MON1B: variants seen among roughly 807,000 people sequenced by gnomAD.
MON1B encodes the protein MON1 vesicular trafficking associated B, also known as vacuolar fusion protein MON1 homolog B.
Under a neutral mutation model 45.1 loss-of-function variants are expected in MON1B, and 26 were observed. The ratio of observed to expected loss-of-function variants is 0.58; its 90% CI spans 0.42 to 0.80. The LOEUF (loss-of-function observed/expected upper bound fraction) is 0.80. Ranked by LOEUF, MON1B falls within the 30% of genes least tolerant of loss-of-function variation. The probability of loss-of-function intolerance (pLI) is 0.00; values close to 1 mark genes in which losing one functional copy is unlikely to be tolerated. For synonymous variants in MON1B, 395 were observed against 320.2 expected (o/e 1.23, Z -2.49); for missense variants, 737 against 754.5 (o/e 0.98, Z 0.27).
In MON1B at chr16:77,201,221, A is replaced by G. The variant is rs1366490170; in HGVS notation, c.*2913A>G. On this transcript the variant is annotated 3_prime_UTR_variant, in exon 6 of 6. Transcript: ENST00000248248. ...GAGAGCTCTTTTAGATTAGAGGCAC[A>G]TACTAAGTGCCAGCATTCAACAAAA... The G allele has an allele frequency of 6.6e-6, 1 of 152,252 alleles. No homozygotes were observed. The highest frequency in any genetic ancestry group is 1.5e-5 in the Non-Finnish European group (1 of 68,052). The allele number at this position is 152,252 out of a possible 1,614,324, so 9.4% of individuals were successfully genotyped here.
intron 5 of MON1B, among the ~76,000 whole-genome samples, chr16:77,197,282 G>C (rs2054674376): frequency 6.6e-6 from 1 of 152,126 alleles, no homozygotes; most frequent in East Asian, 1.9e-4. Context: ...TTGTATCCCA[G>C]CTACTCGGGA....
chr16:77,195,254 G>T, intron 4 of MON1B, 100 bp downstream of exon 4: 1 of 1,220,700 alleles, frequency 8.2e-7, no homozygotes. Flanking sequence ...AACCAGCCAT[G>T]CTTAAGAAAG....
At position 77,194,473 on chromosome 16, in the gene MON1B, G is replaced by C. The variant is rs1474271063; in HGVS notation, c.614G>C (p.Ser205Thr). Residue 205 changes from serine to threonine, a missense_variant, in exon 4 of 6, where the codon AGT becomes ACT. Ser to Thr is a moderately conservative substitution (Grantham distance 58). Transcript: ENST00000248248. This position sits in a 1 kb window ranked among gnomAD's most constrained non-coding sequence, Gnocchi z 8.1. ...ATCGTGAGCACACTTACACGTGCAA[G>C]TGTCGCCCGCATCTTCGCACACAAG... ...AQIVSTLTRA[S>T]VARIFAHKQN... 1 of 1,614,102 alleles carries C rather than the reference G, an allele frequency of 6.2e-7. No individual in the cohort carries two copies. The highest frequency in any genetic ancestry group is 8.5e-7 in the Non-Finnish European group (1 of 1,180,012).
At chr16:77,197,697 G>A (rs537531801) in intron 5 of MON1B, among the ~76,000 whole-genome samples, 1 of 152,154 alleles carries the variant, frequency 6.6e-6, no homozygotes, top group Non-Finnish European at 1.5e-5. Flanking sequence ...TGTGGGGTCA[G>A]GCCTCTCCAT....
At position 77,191,336 on chromosome 16, in the gene MON1B, G is replaced by A. The variant is rs186835339; in HGVS notation, c.-11+78G>A. ...AAGTGTTGGAGGGGGGACGTATTTG[G>A]GCATGATTTTGGATGTCTCGTCCTA... On this transcript the variant is annotated intron_variant, in intron 1 of 5. Transcript: ENST00000248248. The A allele has an allele frequency of 2.1e-4, 323 of 1,553,450 alleles. 1 individual carries two copies. In the African/African-American group the frequency reaches 4.0e-3, roughly 19 times the overall value.
At position 77,200,490 on chromosome 16, in the gene MON1B, T is replaced by C. The variant is rs1158805628; in HGVS notation, c.*2182T>C. 2.7e-5 allele frequency: 4 copies of C among 150,024 alleles called. No homozygotes were observed. The highest frequency in any genetic ancestry group is 5.9e-5 in the Non-Finnish European group (4 of 67,690). The allele number at this position is 150,024 out of a possible 1,614,324, so 9.3% of individuals were successfully genotyped here. A position where few individuals can be genotyped will look rare whatever the true frequency, so the allele number is the denominator to read the frequency against. ...TTCTCCCTTGGCCGGGCTTGGTGGC[T>C]TATGCCTGTAATCCCAGCACTTTGG... On this transcript the variant is annotated 3_prime_UTR_variant, in exon 6 of 6. Transcript: ENST00000248248.
chr16:77,193,370 G>A lies in MON1B; in HGVS notation c.149-81G>A. On this transcript the variant is annotated intron_variant, in intron 2 of 5. Coordinates refer to ENST00000248248, the MANE Select transcript of MON1B (RefSeq NM_014940.4). The surrounding 1 kb of genome is among the most constrained non-coding windows in gnomAD (Gnocchi z 5.0). ...GCATGCAGGGGTCATGGAGGGGCTA[G>A]TAGATATTTGGTGGGTCCTTGGGGA... 1.0e-5 allele frequency: 14 copies of A among 1,362,284 alleles called. No homozygotes were observed. The highest frequency in any genetic ancestry group is 1.4e-5 in the Non-Finnish European group (14 of 995,728). The allele number at this position is 1,362,284 out of a possible 1,614,324, so 84.4% of individuals were successfully genotyped here.
chr16:77,201,795 A>G lies in MON1B; in HGVS notation c.*3487A>G, dbSNP rs1479073491. ...TTCTAATTTAAATGTATTAAATTATAAGTTCTAATTTAAATGTATTAAAAT... is the reference window on the plus strand; with the variant it reads ...TTCTAATTTAAATGTATTAAATTATGAGTTCTAATTTAAATGTATTAAAAT... On this transcript the variant is annotated 3_prime_UTR_variant, in exon 6 of 6. Coordinates refer to ENST00000248248, the MANE Select transcript of MON1B (RefSeq NM_014940.4). 6.6e-6 allele frequency: 1 copy of G among 152,216 alleles called. No individual in the cohort carries two copies. Among genetic ancestry groups the G allele is most frequent in the African/African-American group, 2.4e-5 (1 of 41,450 alleles). The allele number at this position is 152,216 out of a possible 1,614,324, so 9.4% of individuals were successfully genotyped here.
At position 77,195,060 on chromosome 16, in the gene MON1B, A is replaced by G; in HGVS notation, c.1201A>G (p.Ser401Gly). The G allele has an allele frequency of 6.2e-6, 10 of 1,609,936 alleles. No individual in the cohort carries two copies. The highest frequency in any genetic ancestry group is 8.5e-6 in the Non-Finnish European group (10 of 1,179,898). ...NASSASAPAYSVQAVGAPGLR... is the reference protein window; with the variant it reads ...NASSASAPAYGVQAVGAPGLR... The stretch of plus-strand genomic sequence containing the variant: ...CTCATCAGCCAGTGCTCCTGCCTAC[A>G]GCGTGCAGGCTGTCGGGGCGCCGGG... Residue 401 changes from serine (S) to glycine (G), a missense_variant, in exon 4 of 6, where the codon AGC becomes GGC. Coordinates refer to ENST00000248248, the MANE Select transcript of MON1B (RefSeq NM_014940.4).
chr16:77,198,565 C>G lies in MON1B; in HGVS notation c.*257C>G, dbSNP rs533129059. The G allele has an allele frequency of 3.8e-6, 2 of 523,526 alleles. No homozygotes were observed. Among genetic ancestry groups the G allele is most frequent in the East Asian group, 3.4e-5 (1 of 29,478 alleles). The allele number at this position is 523,526 out of a possible 1,614,324, so 32.4% of individuals were successfully genotyped here. ...TCCCTCTCCCTTCCCTCTGTCTCATCTCCTCCACTTGGATGATGCTCTAGC... is the reference window on the plus strand; with the variant it reads ...TCCCTCTCCCTTCCCTCTGTCTCATGTCCTCCACTTGGATGATGCTCTAGC... On this transcript the variant is annotated 3_prime_UTR_variant, in exon 6 of 6. Transcript: ENST00000248248.
At position 77,195,549 on chromosome 16, in the gene MON1B, C is replaced by G; in HGVS notation, c.1310C>G (p.Ala437Gly). ...LPQFTSPELE[A>G]PYSREEERQR... ...CATCATGGCAGCCCTGAGCTAGAGG[C>G]CCCCTACAGCAGAGAGGAGGAGCGG... The change falls in exon 5 of 6, where the codon GCC becomes GGC. Residue 437 changes from alanine to glycine, a missense_variant. Ala to Gly is a moderately conservative substitution (Grantham distance 60). Transcript: ENST00000248248. 1 of 1,613,470 alleles carries G rather than the reference C, an allele frequency of 6.2e-7. No individual in the cohort carries two copies. Among genetic ancestry groups the G allele is most frequent in the Non-Finnish European group, 8.5e-7 (1 of 1,179,684 alleles).
At chr16:77,197,829 A>G (rs766871279) in intron 5 of MON1B, among the ~76,000 whole-genome samples, 8 of 152,158 alleles carry the variant, frequency 5.3e-5, no homozygotes, top group Non-Finnish European at 8.8e-5. Flanking sequence ...AGAATATTAA[A>G]CATTGTTACT....
In MON1B at chr16:77,200,137, C is replaced by G. The variant is rs1405534625; in HGVS notation, c.*1829C>G. On this transcript the variant is annotated 3_prime_UTR_variant, in exon 6 of 6. Coordinates refer to ENST00000248248, the MANE Select transcript of MON1B (RefSeq NM_014940.4). ...ACGAGGTTAGGAGTTCGAGGCCAGC[C>G]TGACCAACATGGTGAAACACCATCT... The G allele has an allele frequency of 6.6e-6, 1 of 150,764 alleles. No homozygotes were observed. The highest frequency in any genetic ancestry group is 6.6e-5 in the Admixed American group (1 of 15,082). The allele number at this position is 150,764 out of a possible 1,614,324, so 9.3% of individuals were successfully genotyped here.
rs2054691909 is a variant in MON1B, at chr16:77,198,521, C to G, written c.*213C>G. On this transcript the variant is annotated 3_prime_UTR_variant, in exon 6 of 6. Transcript: ENST00000248248. ...CCTGCCCAGTCATGCACCTCCCCCTCTGGGGAAATCCTTAGGCCTCCCTCT... is the reference window on the plus strand; with the variant it reads ...CCTGCCCAGTCATGCACCTCCCCCTGTGGGGAAATCCTTAGGCCTCCCTCT... 3.4e-6 allele frequency: 2 copies of G among 594,396 alleles called. No homozygotes were observed. The highest frequency in any genetic ancestry group is 2.8e-5 in the East Asian group (1 of 35,402). 36.8% of individuals were successfully genotyped at this position (594,396 alleles called of 1,614,324 possible). A position where few individuals can be genotyped will look rare whatever the true frequency, so the allele number is the denominator to read the frequency against.
At position 77,193,541 on chromosome 16, in the gene MON1B, C is replaced by T. The variant is rs1323848507; in HGVS notation, c.239C>T (p.Ala80Val). Residue 80 changes from alanine to valine, a missense_variant, in exon 3 of 6, where the codon GCC becomes GTC. Transcript: ENST00000248248. This position sits in a 1 kb window ranked among gnomAD's most constrained non-coding sequence, Gnocchi z 5.0. The part of the protein sequence containing the change: ...SSTSRLWSPA[A>V]PENSPTCSPE... ...ACCTCTCGGCTCTGGAGTCCTGCAG[C>T]CCCTGAGAATAGTCCCACATGTAGC... 1 of 1,613,806 alleles carries T rather than the reference C, an allele frequency of 6.2e-7. No homozygotes were observed. The highest frequency in any genetic ancestry group is 1.1e-5 in the South Asian group (1 of 91,074).
chr16:77,195,815 A>C, intron 5 of MON1B, 133 bp downstream of exon 5: 1 of 1,068,198 alleles, frequency 9.4e-7, no homozygotes, highest in Non-Finnish European at 1.3e-6. Context: ...TGCCTGCAAC[A>C]CTGTCCCTGC....
chr16:77,194,797 C>T lies in MON1B; in HGVS notation c.938C>T (p.Ala313Val). 6.2e-7 allele frequency: 1 copy of T among 1,613,682 alleles called. No homozygotes were observed. Among genetic ancestry groups the T allele is most frequent in the Non-Finnish European group, 8.5e-7 (1 of 1,180,010 alleles). Residue 313 changes from alanine to valine, a missense_variant, in exon 4 of 6, where the codon GCA (alanine) becomes GTA (valine). Ala to Val is a moderately conservative substitution (Grantham distance 64, BLOSUM62 0). Transcript: ENST00000248248. The surrounding 1 kb of genome is among the most constrained non-coding windows in gnomAD (Gnocchi z 8.1). ...DLQLLLDWVGAPAFAAGEAWA... is the reference protein window; with the variant it reads ...DLQLLLDWVGVPAFAAGEAWA... ...CAGTTGCTGCTCGACTGGGTGGGTG[C>T]ACCAGCCTTTGCGGCGGGTGAGGCT...
rs572007822 is a variant in MON1B, at chr16:77,199,350, C to G, written c.*1042C>G. 41 of 1,194,070 alleles carry G rather than the reference C, an allele frequency of 3.4e-5. No individual in the cohort carries two copies. The highest frequency in any genetic ancestry group is 7.0e-5 in the South Asian group (5 of 71,824). The allele number at this position is 1,194,070 out of a possible 1,614,324, so 74.0% of individuals were successfully genotyped here. A position where few individuals can be genotyped will look rare whatever the true frequency, so the allele number is the denominator to read the frequency against. On this transcript the variant is annotated 3_prime_UTR_variant, in exon 6 of 6. Transcript: ENST00000248248. ...CTCCTGATTTAACCGCTGGCGTAACCGCGGGTTGCACGCATGCGTGCTGAA... is the reference window on the plus strand; with the variant it reads ...CTCCTGATTTAACCGCTGGCGTAACGGCGGGTTGCACGCATGCGTGCTGAA...
chr16:77,197,513 A>G (rs2054677608), intron 5 of MON1B, among the ~76,000 whole-genome samples: 1 of 152,170 alleles, frequency 6.6e-6, no homozygotes, highest in Non-Finnish European at 1.5e-5. Context: ...GTATTGAGCT[A>G]CGTGGATATT....
Sources: gnomAD v4.1 joint callset for allele counts (sites outside exome capture counted in the v4.1 genomes callset) on GRCh38, gnomAD v4.1.1 for gene constraint, Gnocchi (gnomAD v3.1) non-coding constraint, MANE v1.5 for transcripts, NCBI Gene and HGNC (gene_info 2026-07-23, HGNC 2026-07-21) for gene names.